ZNF69: variants seen among roughly 807,000 people sequenced by gnomAD.
ZNF69 encodes zinc finger protein 69, also known as ZNF3.
A neutral mutation model predicts 50.9 loss-of-function variants in ZNF69; 47 were observed. The observed-to-expected ratio is 0.92, with a 90% confidence interval of 0.73 to 1.18. The LOEUF is 1.18. Among genes scored for constraint, ZNF69 ranks in the 50% most tolerant of loss-of-function variants. ZNF69 has a pLI of 0.00. For synonymous variants in ZNF69, 216 were observed against 223.1 expected (o/e 0.97, Z 0.29); for missense variants, 717 against 675.1 (o/e 1.06, Z -0.69).
At chr19:11,937,096 A>C in the ZNF69 span, among the ~76,000 whole-genome samples, 1 of 152,144 alleles carries the variant, frequency 6.6e-6, no homozygotes, top group Non-Finnish European at 1.5e-5. Flanking sequence ...AGTCCAATTT[A>C]TCGATTTTCT....
the ZNF69 span, chr19:11,977,099 A>G: frequency 8.1e-6 from 13 of 1,614,012 alleles, no homozygotes; most frequent in Admixed American, 2.2e-4. Flanking sequence ...GCTTTGCTGG[A>G]TATTTCGCAG....
chr19:11,894,323 G>T (rs1977170484), intron 1 of ZNF69, among the ~76,000 whole-genome samples: 1 of 152,054 alleles, frequency 6.6e-6, no homozygotes, highest in African/African-American at 2.4e-5. Flanking sequence ...GAGCCTTTTA[G>T]TAGAGACAGG....
At chr19:11,965,161 A>C in the ZNF69 span, 2 of 1,613,354 alleles carry the variant, frequency 1.2e-6, no homozygotes, top group Non-Finnish European at 1.7e-6. Context: ...GCCCTTCTGT[A>C]GTCACAGGAG....
the ZNF69 span, among the ~76,000 whole-genome samples, chr19:11,976,212 T>A: frequency 6.6e-6 from 1 of 151,168 alleles, no homozygotes. Flanking sequence ...TCAGGACTGC[T>A]AATGTTAACT....
the ZNF69 span, among the ~76,000 whole-genome samples, chr19:11,974,060 CCTTCTTTCT>C: frequency 8.1e-5 from 12 of 148,256 alleles, no homozygotes; most frequent in South Asian, 6.4e-4. Context: ...TTCTTTCTTT[CCTTCTTTCT>C]TTTCTTTCTT....
the ZNF69 span, among the ~76,000 whole-genome samples, chr19:11,922,906 G>A: frequency 6.6e-6 from 1 of 151,602 alleles, no homozygotes; most frequent in Non-Finnish European, 1.5e-5. Context: ...TCAAACTTTG[G>A]GGCTCAAGTG....
chr19:11,965,942 G>A, the ZNF69 span, among the ~76,000 whole-genome samples: 3 of 152,152 alleles, frequency 2.0e-5, no homozygotes, highest in Admixed American at 6.6e-5. Flanking sequence ...AGGCACAGGT[G>A]GTTGAGGGAT....
the ZNF69 span, among the ~76,000 whole-genome samples, chr19:11,930,646 T>C: frequency 1.3e-5 from 2 of 148,460 alleles, no homozygotes; most frequent in Non-Finnish European, 2.9e-5. Flanking sequence ...TTCTGTTAAG[T>C]GTTCACCACT....
the ZNF69 span, among the ~76,000 whole-genome samples, chr19:11,930,904 C>T: frequency 1.4e-5 from 2 of 146,722 alleles, no homozygotes; most frequent in Non-Finnish European, 3.0e-5. Flanking sequence ...GAGGCTGAGG[C>T]AGGAGAATCA....
At chr19:11,920,408 C>T in the ZNF69 span, among the ~76,000 whole-genome samples, 3 of 152,096 alleles carry the variant, frequency 2.0e-5, no homozygotes, top group South Asian at 2.1e-4. Flanking sequence ...CTACTATGCT[C>T]GCCCTGTTTT....
At chr19:11,922,612 A>G in the ZNF69 span, among the ~76,000 whole-genome samples, 2 of 151,920 alleles carry the variant, frequency 1.3e-5, no homozygotes, top group African/African-American at 2.4e-5. Context: ...GATGAATTTG[A>G]TAAAGTTTAA....
At chr19:11,932,988 C>T in the ZNF69 span, among the ~76,000 whole-genome samples, 1 of 148,592 alleles carries the variant, frequency 6.7e-6, no homozygotes, top group Non-Finnish European at 1.5e-5. Context: ...ATGAACCTTA[C>T]ATGGAATGAT....
chr19:11,942,949 C>T, the ZNF69 span, among the ~76,000 whole-genome samples: 1 of 152,294 alleles, frequency 6.6e-6, no homozygotes, highest in South Asian at 2.1e-4. Flanking sequence ...GGAGTTCTCA[C>T]TTTCATCCTT....
chr19:11,971,613 G>C, the ZNF69 span, among the ~76,000 whole-genome samples: 1 of 152,086 alleles, frequency 6.6e-6, no homozygotes, highest in Non-Finnish European at 1.5e-5. Context: ...ATTTCAAAGA[G>C]GTTACATCAT....
intron 4 of ZNF69, among the ~76,000 whole-genome samples, chr19:11,912,051 G>T (rs1972466134): frequency 6.6e-6 from 1 of 152,112 alleles, no homozygotes; most frequent in Non-Finnish European, 1.5e-5. Flanking sequence ...ATGTGGAAAA[G>T]CCTTCAGATC....
the ZNF69 span, among the ~76,000 whole-genome samples, chr19:11,935,009 C>G: frequency 1.5e-4 from 22 of 145,874 alleles, 4 homozygotes; most frequent in African/African-American, 6.0e-4. Context: ...AACCCCGTCT[C>G]TACTAAAAAT....
At chr19:11,979,220 A>G in the ZNF69 span, 13 of 1,610,210 alleles carry the variant, frequency 8.1e-6, no homozygotes, top group African/African-American at 8.1e-5. Flanking sequence ...AAAGCCTTCA[A>G]TCTTTCCAGT....
intron 4 of ZNF69, among the ~76,000 whole-genome samples, chr19:11,911,835 A>G (rs1972462880): frequency 6.6e-6 from 1 of 152,182 alleles, no homozygotes; most frequent in Admixed American, 6.6e-5. Context: ...TAATAATAAA[A>G]GAATGCACTC....
chr19:11,899,686 A>G (rs1242401654), intron 1 of ZNF69, among the ~76,000 whole-genome samples: 2 of 152,136 alleles, frequency 1.3e-5, no homozygotes, highest in African/African-American at 2.4e-5. Context: ...AGTTATGAGT[A>G]AGGCTGCTAA....
Sources: allele counts gnomAD v4.1 joint callset (sites outside exome capture counted in the v4.1 genomes callset), GRCh38; gene constraint gnomAD v4.1.1; transcripts MANE v1.5; gene names NCBI Gene and HGNC (gene_info 2026-07-23, HGNC 2026-07-21).